Variants in CTNND2 observed in about 807,000 individuals in gnomAD.
CTNND2 encodes catenin delta-2.
CTNND2 carries 22 observed loss-of-function variants against 144.4 expected under a neutral mutation model. The ratio of observed to expected loss-of-function variants is 0.15; its 90% confidence interval spans 0.11 to 0.22. CTNND2 has a LOEUF of 0.22. Among genes scored for constraint, CTNND2 ranks in the 10% least tolerant of loss-of-function variants. The pLI, the probability that CTNND2 is intolerant of heterozygous loss-of-function variation, is 1.00. For synonymous variants in CTNND2, 751 were observed against 695.6 expected, an observed-to-expected ratio of 1.08 and a Z score of -1.25; for missense variants, 1,353 against 1,618.8, an observed-to-expected ratio of 0.84 and a Z score of 2.82.
intron 16 of CTNND2, among the ~76,000 whole-genome samples, chr5:11,031,991 T>C (rs547817225): frequency 3.1e-4 from 47 of 152,362 alleles, no homozygotes; most frequent in Admixed American, 7.8e-4. Flanking sequence ...TGGCCTATCA[T>C]GGGGCTTCAC....
intron 9 of CTNND2, among the ~76,000 whole-genome samples, chr5:11,238,538 A>G (rs1211870774): frequency 6.6e-6 from 1 of 152,242 alleles, no homozygotes; most frequent in Non-Finnish European, 1.5e-5. Flanking sequence ...GTAAACCTTG[A>G]AACATGTTGG....
intron 3 of CTNND2, among the ~76,000 whole-genome samples, chr5:11,445,783 T>A (rs1262006034): frequency 6.6e-6 from 1 of 152,238 alleles, no homozygotes; most frequent in East Asian, 1.9e-4. Flanking sequence ...ACATCACATG[T>A]GGAGTTTCAT....
At chr5:11,810,306 G>A (rs975949800) in intron 1 of CTNND2, among the ~76,000 whole-genome samples, 1 of 152,118 alleles carries the variant, frequency 6.6e-6, no homozygotes, top group Non-Finnish European at 1.5e-5. Context: ...CTGTGACACA[G>A]ACCTTGAAAA....
intron 12 of CTNND2, among the ~76,000 whole-genome samples, chr5:11,124,509 G>A (rs1754472773): frequency 6.6e-6 from 1 of 152,140 alleles, no homozygotes; most frequent in South Asian, 2.1e-4. Flanking sequence ...TTCTATCCGT[G>A]AACACCTAGA....
At chr5:11,833,403 A>G (rs1005538157) in intron 1 of CTNND2, among the ~76,000 whole-genome samples, 1 of 152,230 alleles carries the variant, frequency 6.6e-6, no homozygotes, top group African/African-American at 2.4e-5. Flanking sequence ...TTCTATTTAT[A>G]TGACATTCGG....
At chr5:11,247,176 G>T (rs1362803544) in intron 9 of CTNND2, among the ~76,000 whole-genome samples, 1 of 152,194 alleles carries the variant, frequency 6.6e-6, no homozygotes, top group East Asian at 1.9e-4. Flanking sequence ...GCTAGGTTAA[G>T]AACAGATTCT....
intron 5 of CTNND2, among the ~76,000 whole-genome samples, chr5:11,405,408 C>T (rs1223186767): frequency 6.6e-6 from 1 of 152,108 alleles, no homozygotes; most frequent in Non-Finnish European, 1.5e-5. Flanking sequence ...AGGAGGAAAT[C>T]TAAGTGAAAT....
intron 2 of CTNND2, among the ~76,000 whole-genome samples, chr5:11,575,837 C>T (rs1777933227): frequency 1.3e-5 from 2 of 152,068 alleles, no homozygotes; most frequent in South Asian, 2.1e-4. Flanking sequence ...CTCTCTTAAG[C>T]CACCATTCTC....
chr5:11,605,554 T>A (rs1048300365), intron 2 of CTNND2, among the ~76,000 whole-genome samples: 1 of 152,200 alleles, frequency 6.6e-6, no homozygotes, highest in Non-Finnish European at 1.5e-5. Context: ...AGTGACATGA[T>A]CTTGCAGGTG....
intron 21 of CTNND2, among the ~76,000 whole-genome samples, chr5:10,979,309 T>C (rs1736919778): frequency 2.6e-5 from 4 of 152,252 alleles, no homozygotes; most frequent in African/African-American, 9.6e-5. Flanking sequence ...AAGTGAATAG[T>C]TGGGGCCTCC....
chr5:11,353,547 G>A (rs1324238424), intron 8 of CTNND2, among the ~76,000 whole-genome samples: 1 of 152,230 alleles, frequency 6.6e-6, no homozygotes, highest in Non-Finnish European at 1.5e-5. Flanking sequence ...GCTCACGCCT[G>A]TAATTCCAGC....
intron 13 of CTNND2, among the ~76,000 whole-genome samples, chr5:11,111,647 T>C (rs960737753): frequency 6.6e-6 from 1 of 152,178 alleles, no homozygotes; most frequent in Non-Finnish European, 1.5e-5. Context: ...TAAGGACACA[T>C]GTTGTGGAGC....
At chr5:11,529,736 A>G (rs926523570) in intron 3 of CTNND2, among the ~76,000 whole-genome samples, 13 of 152,200 alleles carry the variant, frequency 8.5e-5, no homozygotes, top group Non-Finnish European at 1.6e-4. Context: ...AACTAGATTT[A>G]GAAACATTTT....
At chr5:11,704,133 G>A (rs936472077) in intron 2 of CTNND2, among the ~76,000 whole-genome samples, 1 of 152,200 alleles carries the variant, frequency 6.6e-6, no homozygotes, top group Non-Finnish European at 1.5e-5. Context: ...ACTAGATGTA[G>A]TCAAGCTTAT....
At chr5:11,435,921 T>C (rs973180430) in intron 3 of CTNND2, among the ~76,000 whole-genome samples, 27 of 152,138 alleles carry the variant, frequency 1.8e-4, no homozygotes, top group African/African-American at 5.6e-4. Flanking sequence ...GTTGCTTGAG[T>C]GCTTACTGAT....
At chr5:11,578,666 C>T (rs372771771) in intron 2 of CTNND2, among the ~76,000 whole-genome samples, 3 of 87,664 alleles carry the variant, frequency 3.4e-5, no homozygotes, top group Non-Finnish European at 5.0e-5. Context: ...ATCACAAATA[C>T]ATGAATAAAT....
chr5:11,337,896 T>C (rs2149726007), intron 9 of CTNND2, among the ~76,000 whole-genome samples: 1 of 152,326 alleles, frequency 6.6e-6, no homozygotes, highest in East Asian at 1.9e-4. Context: ...AATTATTGCA[T>C]GGTACTTCTC....
intron 2 of CTNND2, among the ~76,000 whole-genome samples, chr5:11,630,188 A>G (rs1435108684): frequency 6.6e-6 from 1 of 152,192 alleles, no homozygotes; most frequent in African/African-American, 2.4e-5. Flanking sequence ...TGCATAGTTC[A>G]CCATGTGCTA....
chr5:11,489,351 T>C (rs1769165756), intron 3 of CTNND2, among the ~76,000 whole-genome samples: 1 of 152,198 alleles, frequency 6.6e-6, no homozygotes, highest in African/African-American at 2.4e-5. Flanking sequence ...TGAGATTCAG[T>C]GTCTATTCAA....
Sources: allele counts gnomAD v4.1 joint callset (sites outside exome capture counted in the v4.1 genomes callset), GRCh38; gene constraint gnomAD v4.1.1; transcripts MANE v1.5; gene names NCBI Gene and HGNC (gene_info 2026-07-23, HGNC 2026-07-21).